NCAM1: variants seen among roughly 807,000 people sequenced by gnomAD.
The protein encoded by NCAM1 is antigen recognized by monoclonal antibody 5.1H11.
In NCAM1, 14 loss-of-function variants were observed where a neutral mutation model predicts 109.8. The observed-to-expected ratio is 0.13, with a 90% confidence interval of 0.08 to 0.20. The LOEUF (loss-of-function observed/expected upper bound fraction) is 0.20, where lower values mean the gene tolerates loss of function less well. Among genes scored for constraint, NCAM1 ranks in the 10% least tolerant of loss-of-function variants. NCAM1 has a pLI of 1.00. For synonymous variants in NCAM1, 418 were observed against 442.9 expected, an observed-to-expected ratio of 0.94 and a Z score of 0.70; for missense variants, 774 against 1,109.9, an observed-to-expected ratio of 0.70 and a Z score of 4.30.
At chr11:113,126,364 C>A (rs1429399222) in intron 1 of NCAM1, among the ~76,000 whole-genome samples, 2 of 152,036 alleles carry the variant, frequency 1.3e-5, no homozygotes, top group Non-Finnish European at 2.9e-5. Flanking sequence ...TGAGTGTTTA[C>A]AGCTTGCTCA....
At chr11:113,272,806 C>T (rs1483123997) in intron 19 of NCAM1, 2 of 413,018 alleles carry the variant, frequency 4.8e-6, no homozygotes, top group Admixed American at 2.5e-5. Flanking sequence ...GGCCTGTGTC[C>T]GTGCCTGTGC....
intron 1 of NCAM1, among the ~76,000 whole-genome samples, chr11:113,194,182 C>T (rs1383165412): frequency 6.6e-6 from 1 of 152,064 alleles, no homozygotes; most frequent in African/African-American, 2.4e-5. Context: ...ACTAGAGTTG[C>T]GTAGGATAGA....
intron 17 of NCAM1, chr11:113,263,273 G>C: frequency 9.8e-7 from 1 of 1,022,704 alleles, no homozygotes; most frequent in Non-Finnish European, 1.2e-6. Flanking sequence ...ACCTAAATAT[G>C]ATGTAGCAGA....
At chr11:113,077,990 A>T (rs1938609311) in intron 1 of NCAM1, among the ~76,000 whole-genome samples, 1 of 152,136 alleles carries the variant, frequency 6.6e-6, no homozygotes, top group African/African-American at 2.4e-5. Flanking sequence ...CCTGGCTTGA[A>T]TGGGTAAACA....
intron 1 of NCAM1, among the ~76,000 whole-genome samples, chr11:113,164,639 A>ACAGC (rs1390218046): frequency 6.6e-6 from 1 of 152,186 alleles, no homozygotes; most frequent in Non-Finnish European, 1.5e-5. Flanking sequence ...ATATAGTTGA[A>ACAGC]CAGCCAGATG....
At chr11:113,022,080 C>G (rs1360154805) in intron 1 of NCAM1, among the ~76,000 whole-genome samples, 2 of 152,152 alleles carry the variant, frequency 1.3e-5, no homozygotes, top group Non-Finnish European at 2.9e-5. Flanking sequence ...TTAGTCCACC[C>G]ACCCTAAATT....
At chr11:113,167,402 T>A (rs531472497) in intron 1 of NCAM1, among the ~76,000 whole-genome samples, 4 of 152,254 alleles carry the variant, frequency 2.6e-5, no homozygotes, top group Admixed American at 2.0e-4. Context: ...CAAAGCCTCC[T>A]GATATGGTGC....
rs1049916799 is a variant in NCAM1 at position 113,269,128 on chromosome 11, C to T, written c.2132-1060C>T. Among the ~76,000 whole-genome samples, 7 of 152,252 alleles carry T rather than the reference C, an allele frequency of 4.6e-5. No homozygotes were observed. In the East Asian group the frequency reaches 1.4e-3, roughly 29 times the overall value. On this transcript the variant is annotated intron_variant, in intron 17 of 19. Transcript: ENST00000316851. Reference sequence around the variant, plus strand: ...TGCATCATGACCACTGTCTCCCAGACACTGATGGGAACCACCAAGAGGTCA... The same window carrying T: ...TGCATCATGACCACTGTCTCCCAGATACTGATGGGAACCACCAAGAGGTCA...
At chr11:113,068,995 C>A (rs1267013522) in intron 1 of NCAM1, among the ~76,000 whole-genome samples, 2 of 152,138 alleles carry the variant, frequency 1.3e-5, no homozygotes, top group Non-Finnish European at 2.9e-5. Flanking sequence ...GATGTCCCAG[C>A]ACATGGTACT....
chr11:113,113,078 G>A lies in NCAM1; in HGVS notation c.53-89301G>A, dbSNP rs147696348. Among the ~76,000 whole-genome samples, 24 of 152,234 alleles carry A rather than the reference G, an allele frequency of 1.6e-4. No individual in the cohort carries two copies. The East Asian group carries it at 3.9e-3, about 25-fold the overall frequency. On this transcript the variant is annotated intron_variant, in intron 1 of 19. Coordinates refer to ENST00000316851, the MANE Select transcript of NCAM1 (RefSeq NM_181351.5). ...ACCCAGGAGACAGAGGTTGCAGTGAGCCGATATCGCACCACACTGCATTCC... is the reference window on the plus strand; with the variant it reads ...ACCCAGGAGACAGAGGTTGCAGTGAACCGATATCGCACCACACTGCATTCC...
intron 1 of NCAM1, among the ~76,000 whole-genome samples, chr11:113,045,058 G>A (rs1357337221): frequency 6.6e-6 from 1 of 152,120 alleles, no homozygotes; most frequent in African/African-American, 2.4e-5. Context: ...CCGGCCCTTC[G>A]CTTTTATTTC....
At chr11:113,170,229 G>A (rs181769278) in intron 1 of NCAM1, among the ~76,000 whole-genome samples, 1 of 152,186 alleles carries the variant, frequency 6.6e-6, no homozygotes, top group Non-Finnish European at 1.5e-5. Flanking sequence ...CTAATAGAGG[G>A]AGAGGGTTCC....
At chr11:113,037,310 A>G (rs1555079326) in intron 1 of NCAM1, among the ~76,000 whole-genome samples, 1 of 152,196 alleles carries the variant, frequency 6.6e-6, no homozygotes, top group African/African-American at 2.4e-5. Context: ...GAGAAAAACA[A>G]GAGGGTTGGG....
chr11:112,975,907 A>G (rs1950993796), intron 1 of NCAM1, among the ~76,000 whole-genome samples: 1 of 151,996 alleles, frequency 6.6e-6, no homozygotes, highest in Non-Finnish European at 1.5e-5. Flanking sequence ...TAAACATTTC[A>G]CACAATAATT....
intron 1 of NCAM1, among the ~76,000 whole-genome samples, chr11:113,161,853 G>T (rs1310783649): frequency 6.6e-6 from 1 of 152,144 alleles, no homozygotes. Context: ...CATAGAGTAG[G>T]CTGGGCTTCT....
intron 1 of NCAM1, among the ~76,000 whole-genome samples, chr11:113,185,088 A>ATATATATATAT (rs1565485467): frequency 3.5e-5 from 5 of 142,724 alleles, no homozygotes; most frequent in African/African-American, 1.3e-4. Context: ...ATAGAGAGAG[A>ATATATATATAT]GAGAGAGAGA....
intron 1 of NCAM1, among the ~76,000 whole-genome samples, chr11:112,984,906 A>T (rs1951255069): frequency 6.6e-6 from 1 of 151,520 alleles, no homozygotes; most frequent in Admixed American, 6.6e-5. Context: ...AGTTTGATGT[A>T]GTCCCACTTG....
chr11:113,179,700 A>G (rs1213960169), intron 1 of NCAM1, among the ~76,000 whole-genome samples: 1 of 152,258 alleles, frequency 6.6e-6, no homozygotes, highest in Non-Finnish European at 1.5e-5. Flanking sequence ...AGTATAGACA[A>G]TCACCAAAAG....
intron 17 of NCAM1, among the ~76,000 whole-genome samples, chr11:113,262,194 G>T (rs1043096382): frequency 7.2e-5 from 11 of 152,224 alleles, no homozygotes; most frequent in African/African-American, 2.7e-4. Flanking sequence ...GTGAAGCGGG[G>T]TACAGAATGA....
Sources: gnomAD v4.1 joint callset for allele counts (sites outside exome capture counted in the v4.1 genomes callset) on GRCh38, gnomAD v4.1.1 for gene constraint, MANE v1.5 for transcripts, NCBI Gene and HGNC (gene_info 2026-07-23, HGNC 2026-07-21) for gene names.